Variants in MTMR8 observed in about 807,000 individuals in gnomAD.
MTMR8 encodes phosphatidylinositol-3,5-bisphosphate 3-phosphatase MTMR8.
In MTMR8, 65 loss-of-function variants were observed where a neutral mutation model predicts 39.3. The ratio of observed to expected loss-of-function variants is 1.65; its 90% confidence interval spans 1.35 to 2.03. The LOEUF is 2.03. MTMR8 is among the 30% of genes most tolerant of loss of function. The probability of loss-of-function intolerance (pLI) is 0.00; values close to 1 mark genes in which losing one functional copy is unlikely to be tolerated. For synonymous variants in MTMR8, 245 were observed against 185.2 expected, an observed-to-expected ratio of 1.32 and a Z score of -2.62; for missense variants, 777 against 538.9, an observed-to-expected ratio of 1.44 and a Z score of -4.37.
At chrX:64,328,460 G>A (rs1265301393) in intron 12 of MTMR8, among the ~76,000 whole-genome samples, 3 of 111,407 alleles carry the variant, frequency 2.7e-5, no homozygotes, top group Non-Finnish European at 5.7e-5. Flanking sequence ...CTTTGTTGGG[G>A]AAGGGAAAGA....
At chrX:64,363,845 C>T (rs761862177) in intron 1 of MTMR8, among the ~76,000 whole-genome samples, 6 of 111,681 alleles carry the variant, frequency 5.4e-5, no homozygotes, top group South Asian at 7.7e-4. Context: ...CAAGGGAAGA[C>T]GTGACGGACT....
At chrX:64,284,591 A>T (rs1276833631) in intron 12 of MTMR8, among the ~76,000 whole-genome samples, 1 of 112,085 alleles carries the variant, frequency 8.9e-6, no homozygotes, top group Non-Finnish European at 1.9e-5. Flanking sequence ...CACATTACCC[A>T]CAAAGGGAAC....
In MTMR8 at chrX:64,328,759, C is replaced by G. The variant is rs1041594803; in HGVS notation, c.1481+13G>C. On this transcript the variant is annotated intron_variant, in intron 12 of 13. Coordinates refer to ENST00000374852, the MANE Select transcript of MTMR8 (RefSeq NM_017677.4). ...CCTGCTATAAGAAAGGAGGGAAAAA[C>G]TTAAGAACTTACTGAATGTTGTAGG... is the stretch of plus-strand genomic sequence containing the variant. The G allele has an allele frequency of 8.7e-7, 1 of 1,149,450 alleles. No individual in the cohort carries two copies. Among genetic ancestry groups the G allele is most frequent in the Non-Finnish European group, 1.2e-6 (1 of 868,432 alleles). The allele number at this position is 1,149,450 out of a possible 1,213,427, so 94.7% of individuals were successfully genotyped here.
At chrX:64,369,236 C>T (rs1269160807) in intron 1 of MTMR8, among the ~76,000 whole-genome samples, 2 of 111,491 alleles carry the variant, frequency 1.8e-5, no homozygotes, top group Non-Finnish European at 3.8e-5. Context: ...ACTAGAAATA[C>T]CATTTGACCC....
At chrX:64,368,587 A>G (rs1924042118) in intron 1 of MTMR8, among the ~76,000 whole-genome samples, 1 of 111,958 alleles carries the variant, frequency 8.9e-6, no homozygotes, top group African/African-American at 3.3e-5. Flanking sequence ...TCCCTTCCTT[A>G]CACCTTATAC....
chrX:64,355,732 G>A (rs973073795), intron 3 of MTMR8, among the ~76,000 whole-genome samples: 11 of 111,028 alleles, frequency 9.9e-5, no homozygotes, highest in South Asian at 3.8e-4. Flanking sequence ...CATTAATGAG[G>A]ACTTTGATGA....
Position 64,268,856 on chromosome X carries a change from T to C in MTMR8, c.1796A>G (p.Asp599Gly). The C allele has an allele frequency of 2.5e-6, 3 of 1,211,800 alleles. No homozygotes were observed. Among genetic ancestry groups the C allele is most frequent in the South Asian group, 1.8e-5 (1 of 56,962 alleles). The change falls in exon 14 of 14, where the codon GAT (aspartate) becomes GGT (glycine). Residue 599 changes from aspartate to glycine, a missense_variant. Transcript: ENST00000374852. ...GTCTGCACCCTGGCTTTTTACTTGA[T>C]CCATCTGAGCTCGGAGGCCTCCTTC... is the stretch of plus-strand genomic sequence containing the variant. ...SREGGLRAQM[D>G]QVKSQGADLH...
intron 12 of MTMR8, among the ~76,000 whole-genome samples, chrX:64,278,766 C>T (rs759768061): frequency 3.3e-4 from 37 of 111,063 alleles, no homozygotes; most frequent in Admixed American, 2.5e-3. Flanking sequence ...GCCACCATGC[C>T]CAGCCAATGT....
chrX:64,360,778 A>G (rs1223052344), intron 1 of MTMR8, among the ~76,000 whole-genome samples: 2 of 112,185 alleles, frequency 1.8e-5, no homozygotes, highest in African/African-American at 6.5e-5. Flanking sequence ...TAAAAATTTG[A>G]AGGACAGAGT....
At chrX:64,282,237 TATAA>T (rs1932032049) in intron 12 of MTMR8, among the ~76,000 whole-genome samples, 1 of 111,131 alleles carries the variant, frequency 9.0e-6, no homozygotes, top group African/African-American at 3.3e-5. Flanking sequence ...CCCAAAAGAA[TATAA>T]ATAATTATAT....
At chrX:64,294,549 G>A (rs1433885375) in intron 12 of MTMR8, among the ~76,000 whole-genome samples, 1 of 111,649 alleles carries the variant, frequency 9.0e-6, no homozygotes, top group African/African-American at 3.3e-5. Flanking sequence ...GAGAGGGGAT[G>A]GTATCTTAGT....
chrX:64,350,260 G>A (rs904090024), intron 4 of MTMR8, among the ~76,000 whole-genome samples, 190 bp from the exon 5 acceptor site: 14 of 109,820 alleles, frequency 1.3e-4, no homozygotes, highest in South Asian at 4.0e-4. Flanking sequence ...TTTAAAGGCC[G>A]TCCAGATATG....
At chrX:64,393,797 G>A (rs1010250997) in intron 1 of MTMR8, among the ~76,000 whole-genome samples, 1 of 112,142 alleles carries the variant, frequency 8.9e-6, no homozygotes, top group African/African-American at 3.2e-5. Flanking sequence ...AAGGTTAAAG[G>A]TTGGAGTTTG....
intron 12 of MTMR8, among the ~76,000 whole-genome samples, chrX:64,322,017 G>A (rs1182250911): frequency 5.5e-5 from 6 of 109,917 alleles, no homozygotes; most frequent in South Asian, 7.7e-4. Context: ...TGTTTTTAAC[G>A]TGCTGTCGAA....
chrX:64,343,775 T>A (rs991934088), intron 7 of MTMR8, 55 bp from the exon 8 acceptor site: 2 of 849,462 alleles, frequency 2.4e-6, no homozygotes, highest in African/African-American at 4.0e-5. Flanking sequence ...AGTTTATTCA[T>A]TAAGGGGAGA....
chrX:64,392,509 G>A (rs886959465), intron 1 of MTMR8, among the ~76,000 whole-genome samples: 2 of 112,166 alleles, frequency 1.8e-5, no homozygotes, highest in African/African-American at 6.5e-5. Context: ...TTAGAGGTCA[G>A]TATAGTAGTT....
At chrX:64,339,804 T>A (rs1174692207) in intron 8 of MTMR8, among the ~76,000 whole-genome samples, 4 of 104,277 alleles carry the variant, frequency 3.8e-5, no homozygotes, top group African/African-American at 1.4e-4. Context: ...AGCAAAGAAG[T>A]CGGTAAGGAT....
chrX:64,337,153 A>G (rs1348208643), intron 9 of MTMR8, 115 bp downstream of exon 9: 6 of 793,011 alleles, frequency 7.6e-6, no homozygotes, highest in Non-Finnish European at 1.8e-6. Flanking sequence ...TGGAAAAGCT[A>G]TTTTTGTAGA....
intron 13 of MTMR8, among the ~76,000 whole-genome samples, chrX:64,269,847 T>C (rs1167073518): frequency 8.9e-6 from 1 of 111,864 alleles, no homozygotes; most frequent in Non-Finnish European, 1.9e-5. Flanking sequence ...TTTTCTGCTC[T>C]GTATTAAAAA....
Sources: gnomAD v4.1 joint callset for allele counts (sites outside exome capture counted in the v4.1 genomes callset) on GRCh38, gnomAD v4.1.1 for gene constraint, MANE v1.5 for transcripts, NCBI Gene and HGNC (gene_info 2026-07-23, HGNC 2026-07-21) for gene names.